The following BCAR1 variants were observed in gnomAD, a reference collection of about 807,000 sequenced individuals.
BCAR1 encodes BCAR1 scaffold protein, Cas family member.
In BCAR1, 30 loss-of-function variants were observed where a neutral mutation model predicts 67.6. The ratio of observed to expected loss-of-function variants is 0.44; its 90% CI spans 0.33 to 0.60. The LOEUF (loss-of-function observed/expected upper bound fraction) is 0.60. Among genes scored for constraint, BCAR1 ranks in the 20% least tolerant of loss-of-function variants. BCAR1 has a pLI of 0.02. For synonymous variants in BCAR1, 626 were observed against 556.7 expected (o/e 1.12, Z -1.75); for missense variants, 1,313 against 1,222.3 (o/e 1.07, Z -1.11).
At position 75,228,801 on chromosome 16, in the gene BCAR1, CCT is replaced by C. The variant is rs1206774870; in HGVS notation, c.*708_*709del. The C allele has an allele frequency of 1.3e-5, 2 of 152,298 alleles. No individual in the cohort carries two copies. The allele number at this position is 152,298 out of a possible 1,614,324, so 9.4% of individuals were successfully genotyped here. A position where few individuals can be genotyped will look rare whatever the true frequency, so the allele number is the denominator to read the frequency against. On this transcript the variant is annotated 3_prime_UTR_variant, in exon 7 of 7. Transcript: ENST00000162330. The stretch of plus-strand genomic sequence containing the variant: ...AGACCCTGCAGCTCTGAAACTGCCC[CCT>C]TTCTTGGGCCCAGGCTCTGCCCTGG...
In BCAR1 at chr16:75,229,755, T is replaced by A; in HGVS notation, c.2369A>T (p.His790Leu). The A allele has an allele frequency of 6.2e-7, 1 of 1,613,446 alleles. No individual in the cohort carries two copies. ...AHSKFVILSA[H>L]KLVFIGDTLS... ...TGTGTCCCCGATGAACACCAGCTTGTGGGCGCTGAGGATGACGAACTTGCT... is the reference window on the plus strand; with the variant it reads ...TGTGTCCCCGATGAACACCAGCTTGAGGGCGCTGAGGATGACGAACTTGCT... Residue 790 changes from histidine (H) to leucine (L), a missense_variant, in exon 7 of 7, where the codon CAC (histidine) becomes CTC (leucine). Physicochemically the swap from His to Leu is moderately conservative, Grantham distance 99. Around this residue, in one of 2 missense-constraint regions of BCAR1, gnomAD observed 1,272 missense variants for 1,137.5 expected, o/e 1.12. Transcript: ENST00000162330.
chr16:75,233,372 C>CAA (rs760726117), intron 6 of BCAR1, among the ~76,000 whole-genome samples: 2 of 141,436 alleles, frequency 1.4e-5, no homozygotes, highest in African/African-American at 2.6e-5. Context: ...GATTCTGTGT[C>CAA]AAAAAAAAAA....
chr16:75,265,827 G>A (rs946629072), intron 1 of BCAR1: 3 of 1,191,704 alleles, frequency 2.5e-6, no homozygotes, highest in Non-Finnish European at 3.1e-6. Flanking sequence ...GTACTCACAG[G>A]CACGGACATC....
At chr16:75,262,098 C>T (rs1268684593) in intron 1 of BCAR1, among the ~76,000 whole-genome samples, 1 of 152,210 alleles carries the variant, frequency 6.6e-6, no homozygotes, top group East Asian at 1.9e-4. Flanking sequence ...ACTCTAGAGC[C>T]CTTGACCTTG....
In BCAR1 at chr16:75,229,441, T is replaced by A; in HGVS notation, c.*70A>T. ...GTCCCTAAGCCTGTGGCACAGCGACTCTTGACATGGGAGCCAGGGAGCTGG... is the reference window on the plus strand; with the variant it reads ...GTCCCTAAGCCTGTGGCACAGCGACACTTGACATGGGAGCCAGGGAGCTGG... On this transcript the variant is annotated 3_prime_UTR_variant, in exon 7 of 7. Transcript: ENST00000162330. The A allele has an allele frequency of 6.9e-7, 1 of 1,450,734 alleles. No homozygotes were observed. Among genetic ancestry groups the A allele is most frequent in the East Asian group, 2.5e-5 (1 of 40,100 alleles). The allele number at this position is 1,450,734 out of a possible 1,614,324, so 89.9% of individuals were successfully genotyped here. A position where few individuals can be genotyped will look rare whatever the true frequency, so the allele number is the denominator to read the frequency against.
upstream of BCAR1, chr16:75,251,642 C>T: frequency 1.0e-6 from 1 of 1,002,008 alleles, no homozygotes; most frequent in Non-Finnish European, 1.2e-6. Context: ...CTCCGCCTGC[C>T]GCCACGGCCC....
intron 1 of BCAR1, chr16:75,264,032 C>CTG: frequency 8.2e-7 from 1 of 1,222,882 alleles, no homozygotes; most frequent in Non-Finnish European, 1.0e-6. Context: ...TGGGCTGTGA[C>CTG]TACAAGGGAG....
chr16:75,264,616 C>G (rs2077966440), intron 1 of BCAR1: 2 of 1,276,136 alleles, frequency 1.6e-6, no homozygotes, highest in Non-Finnish European at 2.0e-6. Flanking sequence ...AAATACATTA[C>G]CACTTCTGGA....
rs545061124 is a variant in BCAR1 at position 75,251,334 on chromosome 16, A to G, written c.12+137T>C. ...CCGGCTTCCCGGCCAGGGCAGAAGG[A>G]GATCCCAGGGCCGCGGACCCCGGCC... On this transcript the variant is annotated intron_variant, in intron 1 of 6. Transcript: ENST00000162330. The G allele has an allele frequency of 2.7e-4, 322 of 1,214,230 alleles. 1 individual carries two copies. In the African/African-American group the frequency reaches 4.6e-3, roughly 17 times the overall value. 75.2% of individuals were successfully genotyped at this position (1,214,230 alleles called of 1,614,324 possible).
chr16:75,233,777 C>T (rs2076984078), intron 6 of BCAR1, 69 bp downstream of exon 6: 2 of 1,490,158 alleles, frequency 1.3e-6, no homozygotes, highest in African/African-American at 1.4e-5. Context: ...GTCGGCCCTG[C>T]AGGGCAAGAG....
chr16:75,260,709 A>G (rs1567625403), intron 1 of BCAR1, among the ~76,000 whole-genome samples: 1 of 151,642 alleles, frequency 6.6e-6, no homozygotes, highest in Non-Finnish European at 1.5e-5. Context: ...ATTTACCTCA[A>G]TAAGAGTTTC....
chr16:75,243,406 A>G, intron 1 of BCAR1: 1 of 607,946 alleles, frequency 1.6e-6, no homozygotes, highest in Non-Finnish European at 3.1e-6. Flanking sequence ...CCACTCTGCT[A>G]CCTGGACCAA....
intron 6 of BCAR1, among the ~76,000 whole-genome samples, chr16:75,232,401 CT>C (rs1193261533): frequency 1.3e-5 from 2 of 152,178 alleles, no homozygotes; most frequent in African/African-American, 4.8e-5. Context: ...CTCAAGTGAT[CT>C]GCCCGCCTTG....
At chr16:75,264,668 T>G in intron 1 of BCAR1, 1 of 1,251,068 alleles carries the variant, frequency 8.0e-7, no homozygotes, top group Non-Finnish European at 1.0e-6. Context: ...ATAACAATGC[T>G]TTGCACTTGG....
In BCAR1 at chr16:75,242,825, G is replaced by C. The variant is rs758118377; in HGVS notation, c.278C>G (p.Ala93Gly). 1 of 1,605,988 alleles carries C rather than the reference G, an allele frequency of 6.2e-7. No individual in the cohort carries two copies. The highest frequency in any genetic ancestry group is 8.5e-7 in the Non-Finnish European group (1 of 1,177,160). ...AQPQPGLHAPAPPASQYTPML... is the reference protein window; with the variant it reads ...AQPQPGLHAPGPPASQYTPML... ...GGGCGTGTACTGGGAGGCCGGAGGCGCTGGGGCATGGAGGCCAGGCTGAGG... is the reference window on the plus strand; with the variant it reads ...GGGCGTGTACTGGGAGGCCGGAGGCCCTGGGGCATGGAGGCCAGGCTGAGG... The change falls in exon 2 of 7, where the codon GCG (alanine) becomes GGG (glycine). Residue 93 changes from alanine to glycine, a missense_variant. By Grantham distance (60) the Ala-to-Gly change is moderately conservative. This residue lies in a region of BCAR1 where 1,272 missense variants were observed against 1,137.5 expected (regional missense o/e 1.12). Transcript: ENST00000162330.
chr16:75,237,511 T>G, intron 2 of BCAR1, 167 bp from the exon 3 acceptor site: 2 of 786,930 alleles, frequency 2.5e-6, no homozygotes, highest in African/African-American at 1.8e-5. Context: ...CCATCTGACC[T>G]TCCTCTAGCA....
chr16:75,265,972 GC>G (rs1373128083), intron 1 of BCAR1: 1 of 1,062,320 alleles, frequency 9.4e-7, no homozygotes, highest in African/African-American at 1.7e-5. Context: ...GTTCCCGGAC[GC>G]CGGACTGTCC....
intron 6 of BCAR1, among the ~76,000 whole-genome samples, chr16:75,233,372 C>CA (rs760726117): frequency 0.014 from 2,011 of 141,404 alleles, 36 homozygotes; most frequent in African/African-American, 0.046. Context: ...GATTCTGTGT[C>CA]AAAAAAAAAA....
chr16:75,237,970 C>G (rs2077201267), intron 2 of BCAR1: 3 of 1,204,374 alleles, frequency 2.5e-6, no homozygotes, highest in South Asian at 2.6e-5. Flanking sequence ...GGCCCCCTCC[C>G]TGCCGCGCCT....
Sources: allele counts gnomAD v4.1 joint callset (sites outside exome capture counted in the v4.1 genomes callset), GRCh38; gene constraint gnomAD v4.1.1; regional missense constraint gnomAD v4.1.1; transcripts MANE v1.5; gene names NCBI Gene and HGNC (gene_info 2026-07-23, HGNC 2026-07-21).